NAALADL2: variants seen among roughly 807,000 people sequenced by gnomAD.
NAALADL2 encodes N-acetylated alpha-linked acidic dipeptidase like 2.
NAALADL2 carries 76 observed loss-of-function variants against 87.2 expected under a neutral mutation model. The ratio of observed to expected loss-of-function variants is 0.87; its 90% confidence interval spans 0.72 to 1.05. The LOEUF (loss-of-function observed/expected upper bound fraction) is 1.05. Ranked by LOEUF, NAALADL2 falls within the 50% of genes least tolerant of loss-of-function variation. NAALADL2 has a pLI of 0.00. For synonymous variants in NAALADL2, 354 were observed against 331.0 expected, an observed-to-expected ratio of 1.07 and a Z score of -0.75; for missense variants, 1,089 against 945.8, an observed-to-expected ratio of 1.15 and a Z score of -1.99.
chr3:174,702,076 C>T (rs915102658), intron 2 of NAALADL2, among the ~76,000 whole-genome samples: 2 of 152,116 alleles, frequency 1.3e-5, no homozygotes, highest in African/African-American at 4.8e-5. Flanking sequence ...GTAACCCCAA[C>T]GACACTTGGT....
intron 1 of NAALADL2, among the ~76,000 whole-genome samples, chr3:175,063,027 AT>A (rs1168907217): frequency 3.3e-5 from 5 of 150,840 alleles, no homozygotes; most frequent in Admixed American, 6.6e-5. Flanking sequence ...TACTTAACAT[AT>A]TTTTTTCTAC....
chr3:174,701,336 T>C (rs1426858182), intron 2 of NAALADL2, among the ~76,000 whole-genome samples: 2 of 151,766 alleles, frequency 1.3e-5, no homozygotes, highest in East Asian at 3.9e-4. Flanking sequence ...AGGGAAGGGG[T>C]GTTATGAGCT....
chr3:175,412,313 A>T (rs1008598659), intron 5 of NAALADL2, among the ~76,000 whole-genome samples: 7 of 152,204 alleles, frequency 4.6e-5, no homozygotes, highest in Non-Finnish European at 8.8e-5. Context: ...TTGTGTTGGA[A>T]TTTACATCAC....
At chr3:174,655,038 T>G (rs1724771435) in intron 2 of NAALADL2, among the ~76,000 whole-genome samples, 1 of 152,136 alleles carries the variant, frequency 6.6e-6, no homozygotes, top group African/African-American at 2.4e-5. Context: ...GCCTGGCCTA[T>G]TTTATGTTTA....
chr3:175,010,013 T>C (rs548585102), intron 1 of NAALADL2, among the ~76,000 whole-genome samples: 224 of 152,230 alleles, frequency 1.5e-3, no homozygotes, highest in African/African-American at 5.3e-3. Context: ...AGGATGAGCA[T>C]GTTTAATTGA....
At chr3:174,898,603 A>G (rs114028969) in intron 1 of NAALADL2, among the ~76,000 whole-genome samples, 2,504 of 152,178 alleles carry the variant, frequency 0.016, 52 homozygotes, top group African/African-American at 0.056. Flanking sequence ...TGTTAAGTAC[A>G]TATCAGGTAC....
Position 175,336,481 on chromosome 3 carries a change from T to C in NAALADL2, c.1090+12156T>C, listed in dbSNP as rs184488796. Among the ~76,000 whole-genome samples the C allele has an allele frequency of 2.8e-4, 42 of 152,238 alleles. 1 individual carries two copies. The South Asian group carries it at 4.1e-3, about 15-fold the overall frequency. The stretch of plus-strand genomic sequence containing the variant: ...TATGCCCCAACATAGAAATGTATGG[T>C]TTGTACCTCAGCTTTTGCAGATTTT... On this transcript the variant is annotated intron_variant, in intron 5 of 13. Coordinates refer to ENST00000454872, the MANE Select transcript of NAALADL2 (RefSeq NM_207015.3).
intron 4 of NAALADL2, among the ~76,000 whole-genome samples, chr3:175,307,039 T>A (rs1165110247): frequency 6.6e-6 from 1 of 152,188 alleles, no homozygotes; most frequent in Non-Finnish European, 1.5e-5. Context: ...GCTCGCTCTT[T>A]GCCCAATAGT....
chr3:174,602,600 G>T (rs570332514), intron 2 of NAALADL2, among the ~76,000 whole-genome samples: 1 of 151,380 alleles, frequency 6.6e-6, no homozygotes. Context: ...TTTCCAATTT[G>T]GATGCCCTTT....
intron 1 of NAALADL2, among the ~76,000 whole-genome samples, chr3:174,462,058 A>T (rs2108293519): frequency 7.0e-6 from 1 of 142,652 alleles, no homozygotes; most frequent in South Asian, 2.4e-4. Flanking sequence ...TCAGGTTTTT[A>T]AAAATATTTC....
chr3:175,315,005 G>A (rs1758957992), intron 4 of NAALADL2, among the ~76,000 whole-genome samples: 1 of 151,900 alleles, frequency 6.6e-6, no homozygotes. Flanking sequence ...TACCTACCAA[G>A]TCCTTTTTAA....
At chr3:174,869,641 G>A (rs1418619672) in intron 1 of NAALADL2, among the ~76,000 whole-genome samples, 2 of 152,180 alleles carry the variant, frequency 1.3e-5, no homozygotes, top group South Asian at 4.1e-4. Flanking sequence ...GTGGAGTGTT[G>A]AATCCATGAA....
At chr3:175,727,910 G>T (rs1330211016) in intron 11 of NAALADL2, among the ~76,000 whole-genome samples, 1 of 152,036 alleles carries the variant, frequency 6.6e-6, no homozygotes, top group African/African-American at 2.4e-5. Flanking sequence ...ACTCTCTTGG[G>T]GCTGTCATGG....
chr3:174,887,594 T>C (rs1730329380), intron 1 of NAALADL2, among the ~76,000 whole-genome samples: 1 of 152,076 alleles, frequency 6.6e-6, no homozygotes, highest in East Asian at 1.9e-4. Context: ...CAGGAGTTCA[T>C]GACCAGCCTG....
At chr3:174,700,243 T>C (rs1203074848) in intron 2 of NAALADL2, among the ~76,000 whole-genome samples, 1 of 151,620 alleles carries the variant, frequency 6.6e-6, no homozygotes, top group African/African-American at 2.4e-5. Flanking sequence ...TTTTTTTTTT[T>C]TTCAGCGTAG....
chr3:175,050,023 A>T (rs1198023733), intron 1 of NAALADL2, among the ~76,000 whole-genome samples: 1 of 152,086 alleles, frequency 6.6e-6, no homozygotes, highest in Non-Finnish European at 1.5e-5. Context: ...AGGTACTCTG[A>T]TTACCTCCCA....
At chr3:175,575,576 C>T (rs1049157302) in intron 9 of NAALADL2, among the ~76,000 whole-genome samples, 6 of 152,202 alleles carry the variant, frequency 3.9e-5, no homozygotes, top group South Asian at 2.1e-4. Flanking sequence ...TGAGCCACCA[C>T]GCCCGGCCTC....
At chr3:174,888,837 A>G (rs1188545450) in intron 1 of NAALADL2, among the ~76,000 whole-genome samples, 1 of 152,268 alleles carries the variant, frequency 6.6e-6, no homozygotes, top group Non-Finnish European at 1.5e-5. Context: ...ATATAAATTG[A>G]GTCAAAATAT....
chr3:175,000,476 GATAA>G (rs1281801896), intron 1 of NAALADL2, among the ~76,000 whole-genome samples: 1 of 152,132 alleles, frequency 6.6e-6, no homozygotes, highest in Non-Finnish European at 1.5e-5. Context: ...AGCCATACAT[GATAA>G]ATAAAAGAAT....
Sources: allele counts gnomAD v4.1 joint callset (sites outside exome capture counted in the v4.1 genomes callset), GRCh38; gene constraint gnomAD v4.1.1; transcripts MANE v1.5; gene names NCBI Gene and HGNC (gene_info 2026-07-23, HGNC 2026-07-21).